Variants in IL1RAP observed in about 807,000 individuals in gnomAD.
IL1RAP encodes the protein interleukin-1 receptor accessory protein.
IL1RAP carries 35 observed loss-of-function variants against 60.7 expected under a neutral mutation model. The observed-to-expected ratio is 0.58, with a 90% CI of 0.44 to 0.76. The LOEUF is 0.76. Among genes scored for constraint, IL1RAP ranks in the 30% least tolerant of loss-of-function variants. The pLI is 0.00. For synonymous variants in IL1RAP, 268 were observed against 250.9 expected (o/e 1.07, Z -0.64); for missense variants, 572 against 693.9 (o/e 0.82, Z 1.97).
chr3:190,549,060 C>G (rs1051207258), intron 1 of IL1RAP, among the ~76,000 whole-genome samples: 1 of 151,610 alleles, frequency 6.6e-6, no homozygotes, highest in South Asian at 2.1e-4. Context: ...CTCACAGACA[C>G]GTAGAAGGGT....
chr3:190,531,683 C>T (rs958703915), intron 1 of IL1RAP, among the ~76,000 whole-genome samples: 4 of 152,190 alleles, frequency 2.6e-5, no homozygotes, highest in African/African-American at 7.2e-5. Context: ...GCTGTATCAC[C>T]TAAGACTTCA....
At chr3:190,642,241 G>A (rs1414423004) in intron 9 of IL1RAP, 5 of 152,228 alleles carry the variant, frequency 3.3e-5, no homozygotes, top group African/African-American at 1.2e-4. Flanking sequence ...GGCTGGCTAA[G>A]CGGGTGTCCC....
Position 190,579,579 on chromosome 3 carries a change from T to C in IL1RAP, c.64+15226T>C, listed in dbSNP as rs144897648. 3.5e-3 allele frequency among the ~76,000 whole-genome samples: 538 copies of C among 152,318 alleles called. 2 individuals are homozygous for C. The highest frequency in any genetic ancestry group is 0.013 in the African/African-American group (521 of 41,580). Reference sequence around the variant, plus strand: ...CAAGGGATTCCTACCTTTTTATTACTGAGGACATCTTTTATTTTATATTTT... The same window carrying C: ...CAAGGGATTCCTACCTTTTTATTACCGAGGACATCTTTTATTTTATATTTT... On this transcript the variant is annotated intron_variant, in intron 3 of 11. Coordinates refer to ENST00000447382, the MANE Select transcript of IL1RAP (RefSeq NM_002182.4).
intron 2 of IL1RAP, chr3:190,563,817 A>G (rs1349476155): frequency 1.2e-5 from 2 of 161,076 alleles, no homozygotes; most frequent in Admixed American, 5.9e-5. Context: ...AAATAGACCA[A>G]GGGAATGCAA....
At chr3:190,552,749 A>G (rs2108593634) in intron 1 of IL1RAP, among the ~76,000 whole-genome samples, 1 of 152,316 alleles carries the variant, frequency 6.6e-6, no homozygotes, top group South Asian at 2.1e-4. Flanking sequence ...TTCCCCTCTC[A>G]TGCATGCATT....
At chr3:190,583,583 A>C (rs1394727884) in intron 3 of IL1RAP, among the ~76,000 whole-genome samples, 4 of 152,350 alleles carry the variant, frequency 2.6e-5, no homozygotes, top group Non-Finnish European at 4.4e-5. Flanking sequence ...GCAGCAAATT[A>C]GCCTCAAATA....
chr3:190,627,962 C>T (rs1732456323), intron 8 of IL1RAP, among the ~76,000 whole-genome samples: 1 of 151,592 alleles, frequency 6.6e-6, no homozygotes, highest in African/African-American at 2.4e-5. Flanking sequence ...TCTCTCTCCT[C>T]CTCTTTCTTA....
chr3:190,576,090 T>C (rs1369910252), intron 3 of IL1RAP, among the ~76,000 whole-genome samples: 3 of 152,190 alleles, frequency 2.0e-5, no homozygotes, highest in African/African-American at 7.2e-5. Flanking sequence ...ATTCCTACCT[T>C]GTACTTTACC....
chr3:190,517,331 G>A (rs879627456), intron 1 of IL1RAP, among the ~76,000 whole-genome samples: 1 of 152,150 alleles, frequency 6.6e-6, no homozygotes. Flanking sequence ...TAGTTCAAAG[G>A]CTGGGAAGAA....
rs772889994 is a variant in IL1RAP, at chr3:190,644,230, C to G, written c.1052-18C>G. Reference sequence around the variant, plus strand: ...CACCACACAGAAATCAATTCTGTTTCTTTGTTGTTCATTCCAGTGCCAGCT... The same window carrying G: ...CACCACACAGAAATCAATTCTGTTTGTTTGTTGTTCATTCCAGTGCCAGCT... On this transcript the variant is annotated intron_variant, in intron 9 of 11. Coordinates refer to ENST00000447382, the MANE Select transcript of IL1RAP (RefSeq NM_002182.4). 2 of 1,606,778 alleles carry G rather than the reference C, an allele frequency of 1.2e-6. No individual in the cohort carries two copies. The highest frequency in any genetic ancestry group is 2.2e-5 in the East Asian group (1 of 44,722).
At chr3:190,629,724 TA>T (rs1473643504) in intron 9 of IL1RAP, 5 of 1,238,378 alleles carry the variant, frequency 4.0e-6, no homozygotes, top group Non-Finnish European at 4.1e-6. Flanking sequence ...CAAATGTAGC[TA>T]AAAAAATCGA....
chr3:190,655,212 G>A (rs1391579118), downstream of IL1RAP, among the ~76,000 whole-genome samples: 1 of 152,090 alleles, frequency 6.6e-6, no homozygotes, highest in Admixed American at 6.5e-5. Context: ...TATGTCAGGA[G>A]CATTATGTTC....
chr3:190,602,775 T>C (rs1462553411), intron 3 of IL1RAP, among the ~76,000 whole-genome samples: 1 of 152,214 alleles, frequency 6.6e-6, no homozygotes, highest in East Asian at 1.9e-4. Context: ...TGAGAAGTTT[T>C]AGATGTCAAT....
chr3:190,649,077 C>T lies in IL1RAP; in HGVS notation c.*372C>T. On this transcript the variant is annotated 3_prime_UTR_variant, in exon 12 of 12. Coordinates refer to ENST00000447382, the MANE Select transcript of IL1RAP (RefSeq NM_002182.4). ...TTAAATATGCCTTTAAAATAAGTCA[C>T]TGTTGACAGGGTCATGAGTTTCCGA... is the stretch of plus-strand genomic sequence containing the variant. 2.0e-6 allele frequency: 2 copies of T among 994,586 alleles called. No homozygotes were observed. Among genetic ancestry groups the T allele is most frequent in the Non-Finnish European group, 1.2e-6 (1 of 835,898 alleles). The allele number at this position is 994,586 out of a possible 1,614,324, so 61.6% of individuals were successfully genotyped here. A position where few individuals can be genotyped will look rare whatever the true frequency, so the allele number is the denominator to read the frequency against.
intron 1 of IL1RAP, among the ~76,000 whole-genome samples, chr3:190,549,366 A>G (rs1724660307): frequency 6.6e-6 from 1 of 152,166 alleles, no homozygotes; most frequent in East Asian, 1.9e-4. Context: ...ATAAGGATAA[A>G]GATGGAGACC....
Position 190,650,693 on chromosome 3 carries a change from C to T in IL1RAP, c.*1988C>T. 5.2e-6 allele frequency: 5 copies of T among 965,882 alleles called. No individual in the cohort carries two copies. In the South Asian group the frequency reaches 2.4e-4, roughly 46 times the overall value. 59.8% of individuals were successfully genotyped at this position (965,882 alleles called of 1,614,324 possible). On this transcript the variant is annotated 3_prime_UTR_variant, in exon 12 of 12. Coordinates refer to ENST00000447382, the MANE Select transcript of IL1RAP (RefSeq NM_002182.4). ...GGATGAAAAAAGTAGAAAAGTAGGTCATTCTTGGATCTACTTTTTTTTAGC... is the reference window on the plus strand; with the variant it reads ...GGATGAAAAAAGTAGAAAAGTAGGTTATTCTTGGATCTACTTTTTTTTAGC...
At chr3:190,634,703 T>C (rs1488662594) in intron 9 of IL1RAP, among the ~76,000 whole-genome samples, 2 of 143,752 alleles carry the variant, frequency 1.4e-5, no homozygotes, top group Non-Finnish European at 3.0e-5. Context: ...TCTGGGCCTG[T>C]TGTGTTTTTT....
intron 3 of IL1RAP, among the ~76,000 whole-genome samples, chr3:190,587,099 A>G (rs1349753487): frequency 6.6e-6 from 1 of 152,226 alleles, no homozygotes; most frequent in East Asian, 1.9e-4. Flanking sequence ...TTATAAACCC[A>G]TCATATTATA....
chr3:190,641,476 C>T (rs779292037), intron 9 of IL1RAP, among the ~76,000 whole-genome samples: 7 of 152,164 alleles, frequency 4.6e-5, no homozygotes, highest in East Asian at 1.9e-4. Flanking sequence ...TTTAAGAGTT[C>T]GATACGTTAA....
Sources: gnomAD v4.1 joint callset for allele counts (sites outside exome capture counted in the v4.1 genomes callset) on GRCh38, gnomAD v4.1.1 for gene constraint, MANE v1.5 for transcripts, NCBI Gene and HGNC (gene_info 2026-07-23, HGNC 2026-07-21) for gene names.